The following STRN variants were observed in gnomAD, a reference collection of about 807,000 sequenced individuals.
STRN encodes the protein striatin.
A neutral mutation model predicts 96.3 loss-of-function variants in STRN; 53 were observed. The observed-to-expected ratio is 0.55, with a 90% confidence interval of 0.44 to 0.69. The LOEUF is 0.69. Ranked by LOEUF, STRN falls within the 30% of genes least tolerant of loss-of-function variation. STRN has a pLI of 0.00. For synonymous variants in STRN, 428 were observed against 355.9 expected (o/e 1.20, Z -2.28); for missense variants, 987 against 963.9 (o/e 1.02, Z -0.32).
chr2:36,850,673 T>A (rs1668195401), intron 16 of STRN, among the ~76,000 whole-genome samples: 1 of 152,210 alleles, frequency 6.6e-6, no homozygotes. Flanking sequence ...CCCCAATATA[T>A]AATACTACAA....
intron 7 of STRN, among the ~76,000 whole-genome samples, chr2:36,887,206 A>C (rs1296902662): frequency 6.6e-6 from 1 of 151,662 alleles, no homozygotes; most frequent in Non-Finnish European, 1.5e-5. Context: ...AGGCGGGTGG[A>C]TCACATGAGG....
At chr2:36,913,694 T>C (rs1670019776) in intron 3 of STRN, among the ~76,000 whole-genome samples, 1 of 152,220 alleles carries the variant, frequency 6.6e-6, no homozygotes, top group Admixed American at 6.5e-5. Flanking sequence ...AAACATTATA[T>C]ATATCATATT....
At chr2:36,891,344 T>A (rs907457746) in intron 7 of STRN, among the ~76,000 whole-genome samples, 1 of 152,110 alleles carries the variant, frequency 6.6e-6, no homozygotes. Flanking sequence ...CTGACCAACA[T>A]GGTGAAACCC....
chr2:36,922,738 A>G (rs1344000395), intron 2 of STRN, among the ~76,000 whole-genome samples: 1 of 152,124 alleles, frequency 6.6e-6, no homozygotes, highest in East Asian at 1.9e-4. Flanking sequence ...CATGTCAAAC[A>G]TGTTCTCTCT....
intron 1 of STRN, among the ~76,000 whole-genome samples, chr2:36,962,216 A>T (rs905423828): frequency 2.6e-5 from 4 of 152,118 alleles, no homozygotes; most frequent in Non-Finnish European, 5.9e-5. Flanking sequence ...TTAATGCCAA[A>T]ACCCAGAAAA....
At chr2:36,888,130 A>G (rs1446493754) in intron 7 of STRN, among the ~76,000 whole-genome samples, 1 of 152,180 alleles carries the variant, frequency 6.6e-6, no homozygotes, top group Non-Finnish European at 1.5e-5. Flanking sequence ...AAAATATATC[A>G]GGGAAAACTA....
At chr2:36,947,322 A>C (rs1333086650) in intron 1 of STRN, among the ~76,000 whole-genome samples, 1 of 152,126 alleles carries the variant, frequency 6.6e-6, no homozygotes, top group African/African-American at 2.4e-5. Flanking sequence ...TTCCTGCTAA[A>C]AATACACAAA....
chr2:36,945,942 T>C (rs1007596152), intron 1 of STRN, among the ~76,000 whole-genome samples: 4 of 152,174 alleles, frequency 2.6e-5, no homozygotes, highest in African/African-American at 9.7e-5. Context: ...TATACAGTTT[T>C]CATGTAACTT....
intron 7 of STRN, among the ~76,000 whole-genome samples, chr2:36,890,991 T>C (rs936132423): frequency 6.6e-6 from 1 of 152,122 alleles, no homozygotes; most frequent in African/African-American, 2.4e-5. Context: ...GGACTAGAAG[T>C]ATTTCGGATT....
intron 7 of STRN, among the ~76,000 whole-genome samples, chr2:36,893,509 A>G (rs1278672873): frequency 2.6e-5 from 4 of 152,200 alleles, no homozygotes; most frequent in Non-Finnish European, 5.9e-5. Flanking sequence ...GACTGACTAC[A>G]ATTTTTTAAC....
At chr2:36,905,130 C>G (rs918191081) in intron 4 of STRN, among the ~76,000 whole-genome samples, 2 of 151,954 alleles carry the variant, frequency 1.3e-5, no homozygotes, top group African/African-American at 4.8e-5. Context: ...CCACCACGCC[C>G]GGCTAATTTT....
chr2:36,888,876 G>C (rs1336022816), intron 7 of STRN, among the ~76,000 whole-genome samples: 1 of 151,840 alleles, frequency 6.6e-6, no homozygotes, highest in Non-Finnish European at 1.5e-5. Flanking sequence ...TAGAGATGAG[G>C]TCTCACTATG....
chr2:36,919,361 T>C (rs745887318), intron 2 of STRN, among the ~76,000 whole-genome samples: 41 of 152,054 alleles, frequency 2.7e-4, no homozygotes, highest in Non-Finnish European at 5.0e-4. Flanking sequence ...CAAAGAAAGC[T>C]ACCAAAAAGA....
intron 2 of STRN, among the ~76,000 whole-genome samples, chr2:36,924,069 T>C (rs564293097): frequency 1.6e-3 from 249 of 151,864 alleles, no homozygotes; most frequent in African/African-American, 5.7e-3. Context: ...CAAAAAAAAG[T>C]CTATAGGCTG....
chr2:36,925,907 T>C (rs561430307), intron 1 of STRN, among the ~76,000 whole-genome samples: 1 of 152,342 alleles, frequency 6.6e-6, no homozygotes, highest in Admixed American at 6.5e-5. Context: ...AAATCAGTTC[T>C]TATAATCCCC....
At chr2:36,908,692 G>T (rs1190990413) in intron 3 of STRN, among the ~76,000 whole-genome samples, 1 of 152,160 alleles carries the variant, frequency 6.6e-6, no homozygotes, top group Non-Finnish European at 1.5e-5. Context: ...TGAGGTTATG[G>T]CTGGGCCGCA....
chr2:36,856,461 G>T (rs763286004), intron 14 of STRN, among the ~76,000 whole-genome samples: 1 of 152,102 alleles, frequency 6.6e-6, no homozygotes, highest in Non-Finnish European at 1.5e-5. Context: ...AAATAAAAAT[G>T]AAAGAAATAA....
chr2:36,857,398 G>A lies in STRN; in HGVS notation c.1837+458C>T, dbSNP rs373077485. Among the ~76,000 whole-genome samples the A allele has an allele frequency of 1.3e-4, 20 of 152,104 alleles. No individual in the cohort carries two copies. In the South Asian group the frequency reaches 3.5e-3, roughly 27 times the overall value. ...CTATGCTTTCAAAAATTATAGGCTG[G>A]GTGCAGTGGCTCATGCCTGTAATCC... On this transcript the variant is annotated intron_variant, in intron 14 of 17. Transcript: ENST00000263918.
Position 36,849,292 on chromosome 2 carries a change from G to C in STRN, c.*164C>G, listed in dbSNP as rs1668158362. On this transcript the variant is annotated 3_prime_UTR_variant, in exon 18 of 18. Coordinates refer to ENST00000263918, the MANE Select transcript of STRN (RefSeq NM_003162.4). ...GCAACCTGAACAAACCTTAGTTTTA[G>C]AAAACAGTATATGAATTGCAAAACT... 3.7e-6 allele frequency: 3 copies of C among 806,766 alleles called. No individual in the cohort carries two copies. Among genetic ancestry groups the C allele is most frequent in the Non-Finnish European group, 5.6e-6 (3 of 533,312 alleles). The allele number at this position is 806,766 out of a possible 1,614,324, so 50.0% of individuals were successfully genotyped here.
Sources: gnomAD v4.1 joint callset for allele counts (sites outside exome capture counted in the v4.1 genomes callset) on GRCh38, gnomAD v4.1.1 for gene constraint, MANE v1.5 for transcripts, NCBI Gene and HGNC (gene_info 2026-07-23, HGNC 2026-07-21) for gene names.